MIS18A: variants seen among roughly 807,000 people sequenced by gnomAD.
MIS18A encodes protein Mis18-alpha.
In MIS18A, 14 loss-of-function variants were observed where a neutral mutation model predicts 25.0. The ratio of observed to expected loss-of-function variants is 0.56; its 90% CI spans 0.37 to 0.88. MIS18A has a LOEUF of 0.88. Ranked by LOEUF, MIS18A falls within the 40% of genes least tolerant of loss-of-function variation. MIS18A has a pLI of 0.00. For missense variants in MIS18A, 292 were observed against 290.8 expected (o/e 1.00, Z -0.03); for synonymous variants, 134 against 118.6 (o/e 1.13, Z -0.84).
the MIS18A span, among the ~76,000 whole-genome samples, chr21:32,162,099 T>C: frequency 1.3e-5 from 2 of 152,162 alleles, no homozygotes; most frequent in African/African-American, 4.8e-5. Context: ...CTGGAGCATC[T>C]TCTCCAAGGT....
chr21:32,234,058 A>G, the MIS18A span, among the ~76,000 whole-genome samples: 1 of 152,218 alleles, frequency 6.6e-6, no homozygotes, highest in Non-Finnish European at 1.5e-5. Flanking sequence ...AGGAAATCTG[A>G]GTAAACTGTG....
At chr21:32,212,008 A>G in the MIS18A span, among the ~76,000 whole-genome samples, 9 of 152,304 alleles carry the variant, frequency 5.9e-5, no homozygotes, top group Admixed American at 3.9e-4. Flanking sequence ...TACATGATAA[A>G]TAAGAAGTTT....
the MIS18A span, among the ~76,000 whole-genome samples, chr21:32,190,470 GC>G: frequency 6.6e-6 from 1 of 152,164 alleles, no homozygotes; most frequent in Non-Finnish European, 1.5e-5. Flanking sequence ...AAATGCATAT[GC>G]CCATTTACCC....
At chr21:32,165,280 C>T in the MIS18A span, among the ~76,000 whole-genome samples, 46 of 152,048 alleles carry the variant, frequency 3.0e-4, 1 homozygote, top group East Asian at 1.9e-3. Flanking sequence ...GCAGAGATGG[C>T]GCCACCGCAC....
chr21:32,195,412 G>A, the MIS18A span, among the ~76,000 whole-genome samples: 5 of 152,296 alleles, frequency 3.3e-5, no homozygotes, highest in Admixed American at 1.3e-4. Context: ...CCTGAATTCT[G>A]AGGCCTTTAA....
At chr21:32,235,430 T>C in the MIS18A span, among the ~76,000 whole-genome samples, 2 of 152,094 alleles carry the variant, frequency 1.3e-5, no homozygotes, top group African/African-American at 2.4e-5. Context: ...TTGCCCTCAC[T>C]CCCTTCCTCC....
At chr21:32,211,904 C>A in the MIS18A span, among the ~76,000 whole-genome samples, 31 of 152,334 alleles carry the variant, frequency 2.0e-4, no homozygotes, top group African/African-American at 7.5e-4. Context: ...AAACCCAAGA[C>A]TCCATTTTCT....
the MIS18A span, among the ~76,000 whole-genome samples, chr21:32,235,280 TA>T: frequency 6.6e-6 from 1 of 152,214 alleles, no homozygotes; most frequent in Non-Finnish European, 1.5e-5. Flanking sequence ...AACTGACTAA[TA>T]AAGTCCAGCC....
chr21:32,217,118 C>G, the MIS18A span, among the ~76,000 whole-genome samples: 3 of 151,922 alleles, frequency 2.0e-5, no homozygotes, highest in Admixed American at 2.0e-4. Context: ...CCCATACAGG[C>G]TGAAAGAATC....
chr21:32,217,788 A>G, the MIS18A span, among the ~76,000 whole-genome samples: 1 of 152,184 alleles, frequency 6.6e-6, no homozygotes, highest in African/African-American at 2.4e-5. Context: ...TGGAATCGGG[A>G]AGGCAAAGGG....
At chr21:32,188,839 G>C in the MIS18A span, among the ~76,000 whole-genome samples, 3 of 152,214 alleles carry the variant, frequency 2.0e-5, no homozygotes, top group Non-Finnish European at 4.4e-5. Context: ...TGGAGAACGA[G>C]GCAGTGAGTG....
At chr21:32,222,806 C>T in the MIS18A span, among the ~76,000 whole-genome samples, 10 of 152,086 alleles carry the variant, frequency 6.6e-5, no homozygotes, top group African/African-American at 2.4e-4. Flanking sequence ...TGGTGGGCAC[C>T]TGTAGTCCCA....
intron 2 of MIS18A, among the ~76,000 whole-genome samples, chr21:32,271,064 T>C (rs996640184): frequency 5.3e-5 from 8 of 152,184 alleles, no homozygotes; most frequent in Admixed American, 5.2e-4. Flanking sequence ...TGACAACCCA[T>C]GTAATTGTTT....
the MIS18A span, among the ~76,000 whole-genome samples, chr21:32,183,911 T>C: frequency 5.4e-4 from 83 of 152,346 alleles, no homozygotes; most frequent in African/African-American, 1.9e-3. Context: ...GTTTTAGACT[T>C]GGGCAGCACA....
the MIS18A span, among the ~76,000 whole-genome samples, chr21:32,218,005 A>T: frequency 1.3e-5 from 2 of 151,846 alleles, no homozygotes; most frequent in Admixed American, 1.3e-4. Flanking sequence ...CATCCTGGCT[A>T]ACATGGTGAA....
chr21:32,195,537 C>T, the MIS18A span, among the ~76,000 whole-genome samples: 2 of 152,218 alleles, frequency 1.3e-5, no homozygotes, highest in African/African-American at 4.8e-5. Context: ...AGTGAGTTTT[C>T]CAGGGATAGG....
the MIS18A span, among the ~76,000 whole-genome samples, chr21:32,263,011 G>C: frequency 2.0e-5 from 3 of 152,102 alleles, no homozygotes; most frequent in Admixed American, 1.3e-4. Context: ...CCTAAATAGT[G>C]AATTAGCCTA....
chr21:32,247,857 T>C, the MIS18A span, among the ~76,000 whole-genome samples: 1 of 152,206 alleles, frequency 6.6e-6, no homozygotes, highest in Admixed American at 6.5e-5. Context: ...ATCTGTGGTA[T>C]CTTGTTGGGG....
the MIS18A span, among the ~76,000 whole-genome samples, chr21:32,170,686 G>T: frequency 6.6e-6 from 1 of 151,784 alleles, no homozygotes; most frequent in South Asian, 2.1e-4. Flanking sequence ...AGTCCCAAAA[G>T]GAATATAGGT....
Sources: allele counts gnomAD v4.1 joint callset (sites outside exome capture counted in the v4.1 genomes callset), GRCh38; gene constraint gnomAD v4.1.1; transcripts MANE v1.5; gene names NCBI Gene and HGNC (gene_info 2026-07-23, HGNC 2026-07-21).